The following BACE2 variants were observed in gnomAD, a reference collection of about 807,000 sequenced individuals.
BACE2 encodes 56 kDa aspartic-like protease.
Under a neutral mutation model 46.2 loss-of-function variants are expected in BACE2, and 17 were observed. The observed-to-expected ratio is 0.37, with a 90% CI of 0.25 to 0.55. The LOEUF (loss-of-function observed/expected upper bound fraction) is 0.55, where lower values mean the gene tolerates loss of function less well. Ranked by LOEUF, BACE2 falls within the 20% of genes least tolerant of loss-of-function variation. The pLI is 0.82. For missense variants in BACE2, 595 were observed against 698.1 expected, an observed-to-expected ratio of 0.85 and a Z score of 1.66; for synonymous variants, 277 against 295.9, an observed-to-expected ratio of 0.94 and a Z score of 0.66.
intron 7 of BACE2, among the ~76,000 whole-genome samples, chr21:41,251,742 A>G (rs1210519682): frequency 6.6e-6 from 1 of 151,216 alleles, no homozygotes; most frequent in African/African-American, 2.4e-5. Flanking sequence ...CGGAGGTTGC[A>G]GTGAGCCGAG....
At chr21:41,206,751 A>G (rs1195811645) in intron 1 of BACE2, among the ~76,000 whole-genome samples, 3 of 152,220 alleles carry the variant, frequency 2.0e-5, no homozygotes, top group Admixed American at 6.5e-5. Flanking sequence ...ACGCCATTGA[A>G]CTTCACCTTT....
chr21:41,209,231 G>C (rs1203642753), intron 1 of BACE2, among the ~76,000 whole-genome samples: 2 of 152,226 alleles, frequency 1.3e-5, no homozygotes, highest in Admixed American at 6.5e-5. Flanking sequence ...GCGCCTTCTG[G>C]GGGTGGGAGA....
At chr21:41,253,120 T>C (rs1987686463) in intron 7 of BACE2, among the ~76,000 whole-genome samples, 1 of 152,202 alleles carries the variant, frequency 6.6e-6, no homozygotes, top group Non-Finnish European at 1.5e-5. Flanking sequence ...AATGCTATGT[T>C]TTCAGCATCT....
chr21:41,214,982 C>T (rs569468370), intron 1 of BACE2, among the ~76,000 whole-genome samples: 1 of 152,254 alleles, frequency 6.6e-6, no homozygotes, highest in South Asian at 2.1e-4. Context: ...ACCAGGAGGG[C>T]GCATTTCCAA....
intron 8 of BACE2, among the ~76,000 whole-genome samples, chr21:41,263,945 TC>T (rs1988002751): frequency 6.6e-6 from 1 of 152,228 alleles, no homozygotes; most frequent in South Asian, 2.1e-4. Flanking sequence ...TCATGCACAT[TC>T]TTTCTAGTCT....
At chr21:41,231,918 A>G (rs997199589) in intron 2 of BACE2, among the ~76,000 whole-genome samples, 4 of 152,226 alleles carry the variant, frequency 2.6e-5, no homozygotes, top group African/African-American at 4.8e-5. Context: ...CTCTACGCTA[A>G]TAATAACCCC....
At chr21:41,169,650 C>A (rs1352986845) in intron 1 of BACE2, among the ~76,000 whole-genome samples, 1 of 151,976 alleles carries the variant, frequency 6.6e-6, no homozygotes, top group Non-Finnish European at 1.5e-5. Context: ...TTGTATAATT[C>A]TCATTAAATT....
At chr21:41,207,109 C>G (rs1986151327) in intron 1 of BACE2, among the ~76,000 whole-genome samples, 1 of 152,122 alleles carries the variant, frequency 6.6e-6, no homozygotes, top group Admixed American at 6.5e-5. Context: ...AGACATTACA[C>G]CTTTGATAAG....
chr21:41,195,557 C>T (rs570893068), intron 1 of BACE2, among the ~76,000 whole-genome samples: 1 of 152,322 alleles, frequency 6.6e-6, no homozygotes, highest in East Asian at 1.9e-4. Context: ...ACCAACCGTG[C>T]AGTCAAATAC....
intron 1 of BACE2, among the ~76,000 whole-genome samples, chr21:41,206,977 G>C (rs1986145694): frequency 6.6e-6 from 1 of 152,112 alleles, no homozygotes. Context: ...TTGGTAACTA[G>C]GGTAAAGTTA....
Position 41,225,877 on chromosome 21 carries a change from C to A in BACE2, c.313-389C>A, listed in dbSNP as rs115058830. Among the ~76,000 whole-genome samples, 1,340 of 152,112 alleles carry A rather than the reference C, an allele frequency of 8.8e-3. 29 individuals are homozygous for A. The highest frequency in any genetic ancestry group is 0.03 in the African/African-American group (1,231 of 41,496). ...GTCACGTTGGATCGGGGTTTCCAGGCGAGATTTGGAAAAGCAAGGGGAGGG... is the reference window on the plus strand; with the variant it reads ...GTCACGTTGGATCGGGGTTTCCAGGAGAGATTTGGAAAAGCAAGGGGAGGG... On this transcript the variant is annotated intron_variant, in intron 1 of 8. Transcript: ENST00000330333.
chr21:41,235,794 T>C (rs1987100716), intron 2 of BACE2, among the ~76,000 whole-genome samples: 1 of 152,258 alleles, frequency 6.6e-6, no homozygotes. Context: ...TGAGCCATGA[T>C]TGCGCTATGG....
rs1568881099 is a variant in BACE2, at chr21:41,237,627, T to C, written c.516T>C (p.Ser172=). Residue 172 remains serine, a synonymous_variant, in exon 3 of 9, where the codon TCT becomes TCC. Transcript: ENST00000330333. The part of the protein sequence containing the change: ...LVTIPKGFNT[S]FLVNIATIFE... ...CCATCCCCAAAGGCTTCAATACTTC[T>C]TTTCTTGTCAACATTGCCACTATTT... 1.2e-6 allele frequency: 2 copies of C among 1,614,220 alleles called. No homozygotes were observed. Among genetic ancestry groups the C allele is most frequent in the Admixed American group, 3.3e-5 (2 of 60,026 alleles).
intron 1 of BACE2, among the ~76,000 whole-genome samples, chr21:41,200,067 A>T (rs950963551): frequency 5.3e-5 from 8 of 151,644 alleles, no homozygotes; most frequent in African/African-American, 1.9e-4. Context: ...GAGGAATAGC[A>T]TTAGGAGATA....
Position 41,168,303 on chromosome 21 carries a change from GC to G in BACE2, c.43del (p.Gln15SerfsTer28). 1 of 1,311,354 alleles carries G rather than the reference GC, an allele frequency of 7.6e-7. No individual in the cohort carries two copies. Among genetic ancestry groups the G allele is most frequent in the Non-Finnish European group, 9.7e-7 (1 of 1,031,086 alleles). 81.2% of individuals were successfully genotyped at this position (1,311,354 alleles called of 1,614,324 possible). On this transcript the variant is annotated frameshift_variant, in exon 1 of 9. Transcript: ENST00000330333. LOFTEE classifies it high-confidence loss of function. ...LARALLLPLL[A>X]QWLLRAAPEL... ...CCGGGCGCTGCTGCTGCCTCTGCTG[GC>G]CCAGTGGCTCCTGCGCGCCGCCCCG...
chr21:41,251,001 T>C, intron 7 of BACE2, 100 bp downstream of exon 7: 3 of 1,131,918 alleles, frequency 2.7e-6, no homozygotes, highest in Non-Finnish European at 3.8e-6. Flanking sequence ...ATTAGATCTC[T>C]ATCACCACAA....
chr21:41,193,456 G>A lies in BACE2; in HGVS notation c.312+24881G>A, dbSNP rs1480777573. On this transcript the variant is annotated intron_variant, in intron 1 of 8. Transcript: ENST00000330333. This position sits in a 1 kb window ranked among gnomAD's most constrained non-coding sequence, Gnocchi z 4.2. ...TCTGTCTTCTGCACAGGCCAGATGGGAGAGTTGAATGGGGATGTGGTGGGA... is the reference window on the plus strand; with the variant it reads ...TCTGTCTTCTGCACAGGCCAGATGGAAGAGTTGAATGGGGATGTGGTGGGA... 6.6e-6 allele frequency among the ~76,000 whole-genome samples: 1 copy of A among 152,222 alleles called. No homozygotes were observed. The highest frequency in any genetic ancestry group is 1.5e-5 in the Non-Finnish European group (1 of 68,034).
At chr21:41,179,026 G>A (rs925034517) in intron 1 of BACE2, 58 of 1,055,956 alleles carry the variant, frequency 5.5e-5, no homozygotes, top group Non-Finnish European at 6.8e-5. Flanking sequence ...AGAAGTTAGG[G>A]AAAGCGTGTC....
intron 7 of BACE2, among the ~76,000 whole-genome samples, chr21:41,255,337 G>A (rs1987752415): frequency 6.6e-6 from 1 of 152,162 alleles, no homozygotes; most frequent in Admixed American, 6.5e-5. Context: ...GGGGCCAGAT[G>A]GGTCACCCAA....
Sources: gnomAD v4.1 joint callset for allele counts (sites outside exome capture counted in the v4.1 genomes callset) on GRCh38, gnomAD v4.1.1 for gene constraint, Gnocchi (gnomAD v3.1) non-coding constraint, MANE v1.5 for transcripts, NCBI Gene and HGNC (gene_info 2026-07-23, HGNC 2026-07-21) for gene names.